The following PITPNA variants were observed in gnomAD, a reference collection of about 807,000 sequenced individuals.
The protein encoded by PITPNA is phosphatidylinositol transfer protein alpha isoform.
In PITPNA, 13 loss-of-function variants were observed where a neutral mutation model predicts 50.3. The observed-to-expected ratio is 0.26, with a 90% CI of 0.17 to 0.41. PITPNA has a LOEUF of 0.41. Among genes scored for constraint, PITPNA ranks in the 10% least tolerant of loss-of-function variants. The pLI is 1.00. For missense variants in PITPNA, 207 were observed against 333.4 expected, an observed-to-expected ratio of 0.62 and a Z score of 2.95; for synonymous variants, 120 against 119.6, an observed-to-expected ratio of 1.00 and a Z score of -0.02.
chr17:1,539,372 A>T (rs1264394945), intron 6 of PITPNA, among the ~76,000 whole-genome samples: 136 of 119,080 alleles, frequency 1.1e-3, no homozygotes, highest in Middle Eastern at 6.8e-3. Flanking sequence ...TCCTCCTGTC[A>T]CAGCCTCCTG....
intron 4 of PITPNA, among the ~76,000 whole-genome samples, chr17:1,546,809 C>A (rs2075676943): frequency 6.6e-6 from 1 of 152,160 alleles, no homozygotes; most frequent in Non-Finnish European, 1.5e-5. Context: ...TTAAGAATGT[C>A]TGGACTAGAA....
At chr17:1,554,228 G>T (rs1038653644) in intron 2 of PITPNA, among the ~76,000 whole-genome samples, 1 of 152,028 alleles carries the variant, frequency 6.6e-6, no homozygotes, top group African/African-American at 2.4e-5. Context: ...CTTTCCTACC[G>T]CTGCCGGTGC....
intron 10 of PITPNA, among the ~76,000 whole-genome samples, chr17:1,529,964 G>A (rs1213491620): frequency 1.3e-5 from 2 of 152,024 alleles, no homozygotes; most frequent in Non-Finnish European, 2.9e-5. Context: ...AGAGGTACTT[G>A]TTCAGTGAAT....
At chr17:1,532,126 C>G (rs952125214) in intron 10 of PITPNA, among the ~76,000 whole-genome samples, 2 of 152,124 alleles carry the variant, frequency 1.3e-5, no homozygotes, top group Admixed American at 1.3e-4. Flanking sequence ...CTTGCTCTGT[C>G]GCCCAGGCTG....
chr17:1,553,329 A>G (rs2075719046), intron 2 of PITPNA, among the ~76,000 whole-genome samples, 180 bp from the exon 3 acceptor site: 2 of 152,150 alleles, frequency 1.3e-5, no homozygotes, highest in South Asian at 2.1e-4. Context: ...GTGCTGCTCC[A>G]TGGCCCCTCT....
intron 10 of PITPNA, among the ~76,000 whole-genome samples, chr17:1,525,039 G>T (rs2075539245): frequency 6.6e-6 from 1 of 151,782 alleles, no homozygotes; most frequent in Non-Finnish European, 1.5e-5. Flanking sequence ...ACCCAGGCTG[G>T]AGTGCAGAGG....
chr17:1,522,727 C>G (rs1285498082), intron 10 of PITPNA, among the ~76,000 whole-genome samples: 1 of 152,188 alleles, frequency 6.6e-6, no homozygotes, highest in East Asian at 1.9e-4. Context: ...GAATATTTAG[C>G]TGTGAACTAA....
intron 5 of PITPNA, 33 bp from the exon 6 acceptor site, chr17:1,541,673 C>T (rs549219050): frequency 7.1e-7 from 1 of 1,402,572 alleles, no homozygotes; most frequent in Admixed American, 1.7e-5. Flanking sequence ...ATGAAAGTCA[C>T]TAGGTTCACA....
chr17:1,524,519 CA>C (rs912007549), intron 10 of PITPNA, among the ~76,000 whole-genome samples: 4 of 152,196 alleles, frequency 2.6e-5, no homozygotes, highest in African/African-American at 9.6e-5. Context: ...CTCAGCTTCC[CA>C]AAGTGCTTAG....
Position 1,535,206 on chromosome 17 carries a change from G to C in PITPNA, c.621C>G (p.Asn207Lys). Reference protein sequence around the residue: ...TVKFKWWGLQNKVENFIHKQE... With the variant: ...TVKFKWWGLQKKVENFIHKQE... ...CCTTATGGATGAAGTTCTCCACTTT[G>C]TTCTGCAGGCCCCACCACTTGAACT... Residue 207 changes from asparagine to lysine, a missense_variant, in exon 9 of 12, where the codon AAC becomes AAG. Coordinates refer to ENST00000313486, the MANE Select transcript of PITPNA (RefSeq NM_006224.4). 1 of 1,612,796 alleles carries C rather than the reference G, an allele frequency of 6.2e-7. No homozygotes were observed. The highest frequency in any genetic ancestry group is 8.5e-7 in the Non-Finnish European group (1 of 1,178,744).
At chr17:1,555,128 T>C (rs1178599555) in intron 2 of PITPNA, among the ~76,000 whole-genome samples, 2 of 152,078 alleles carry the variant, frequency 1.3e-5, no homozygotes, top group Non-Finnish European at 2.9e-5. Flanking sequence ...GAGGGCCTGG[T>C]GGAGGGGGCG....
intron 1 of PITPNA, among the ~76,000 whole-genome samples, chr17:1,558,964 G>A (rs1415988159): frequency 1.3e-5 from 2 of 152,050 alleles, no homozygotes; most frequent in Non-Finnish European, 2.9e-5. Flanking sequence ...ACTTGCCAAT[G>A]AGTCGTCCCC....
intron 2 of PITPNA, among the ~76,000 whole-genome samples, chr17:1,555,477 G>A (rs1007921733): frequency 6.6e-6 from 1 of 152,040 alleles, no homozygotes; most frequent in Non-Finnish European, 1.5e-5. Flanking sequence ...GGAGTGGGAG[G>A]GTCAGATCAT....
intron 10 of PITPNA, among the ~76,000 whole-genome samples, chr17:1,524,000 G>A (rs1275893139): frequency 2.7e-5 from 4 of 150,808 alleles, no homozygotes; most frequent in African/African-American, 7.3e-5. Flanking sequence ...ATGACCTTGA[G>A]TAAGTTACTG....
In PITPNA at chr17:1,554,390, ATTTTTTTTTTT is replaced by A. The variant is rs61238602; in HGVS notation, c.52-1252_52-1242del. On this transcript the variant is annotated intron_variant, in intron 2 of 11. Transcript: ENST00000313486. Reference sequence around the variant, plus strand: ...GGGGGGAAGACAAGGGTGTTTCTCTATTTTTTTTTTTTTTTTTTTTTTTTTTTAGACAGAGA... The same window carrying A: ...GGGGGGAAGACAAGGGTGTTTCTCTATTTTTTTTTTTTTTTTAGACAGAGA... Among the ~76,000 whole-genome samples, 20 of 66,090 alleles carry A rather than the reference ATTTTTTTTTTT, an allele frequency of 3.0e-4. 1 individual carries two copies. Among genetic ancestry groups the A allele is most frequent in the African/African-American group, 9.1e-4 (16 of 17,620 alleles). 43.4% of individuals were successfully genotyped at this position (66,090 alleles called of 152,430 possible).
intron 1 of PITPNA, among the ~76,000 whole-genome samples, chr17:1,559,185 A>G (rs949991818): frequency 2.0e-5 from 3 of 152,166 alleles, no homozygotes; most frequent in Admixed American, 6.5e-5. Context: ...GGGGCTGGAT[A>G]TTACAATCCA....
chr17:1,555,398 T>C (rs1297282932), intron 2 of PITPNA, among the ~76,000 whole-genome samples: 1 of 152,198 alleles, frequency 6.6e-6, no homozygotes, highest in African/African-American at 2.4e-5. Flanking sequence ...GCTTTTCACG[T>C]TAGAGTTCCT....
chr17:1,553,205 G>T, intron 2 of PITPNA, 56 bp from the exon 3 acceptor site: 1 of 1,585,292 alleles, frequency 6.3e-7, no homozygotes. Flanking sequence ...ACGGTTACAC[G>T]TAATCCAGCT....
chr17:1,546,965 T>C (rs1219782869), intron 4 of PITPNA, among the ~76,000 whole-genome samples: 1 of 152,186 alleles, frequency 6.6e-6, no homozygotes, highest in Non-Finnish European at 1.5e-5. Flanking sequence ...TTCATTCATA[T>C]GATGGAATAC....
Sources: allele counts gnomAD v4.1 joint callset (sites outside exome capture counted in the v4.1 genomes callset), GRCh38; gene constraint gnomAD v4.1.1; transcripts MANE v1.5; gene names NCBI Gene and HGNC (gene_info 2026-07-23, HGNC 2026-07-21).